RPS3: variants seen among roughly 807,000 people sequenced by gnomAD.
RPS3 encodes the protein ribosomal protein S3.
RPS3 carries 2 observed loss-of-function variants against 25.8 expected under a neutral mutation model. That is an observed-to-expected ratio of 0.08 (90% confidence interval 0.03 to 0.24). The LOEUF is 0.24. RPS3 is among the 10% of genes least tolerant of loss of function. The pLI, the probability that RPS3 is intolerant of heterozygous loss-of-function variation, is 1.00. For missense variants in RPS3, 107 were observed against 307.1 expected, an observed-to-expected ratio of 0.35 and a Z score of 4.87; for synonymous variants, 114 against 114.2, an observed-to-expected ratio of 1.00 and a Z score of 0.01.
rs1948280123 is a variant in RPS3, at chr11:75,405,831, A to G, written c.*221A>G. 1.1e-5 allele frequency: 3 copies of G among 274,974 alleles called. No homozygotes were observed. Among genetic ancestry groups the G allele is most frequent in the Middle Eastern group, 8.3e-4 (2 of 2,408 alleles). The allele number at this position is 274,974 out of a possible 1,614,324, so 17.0% of individuals were successfully genotyped here. On this transcript the variant is annotated 3_prime_UTR_variant, in exon 7 of 7. Coordinates refer to ENST00000531188, the MANE Select transcript of RPS3 (RefSeq NM_001005.5). ...GACCCAAGCAGAGCCAACCAGAGAA[A>G]TAATATTTGTGTGATAGAGAAGGCT...
chr11:75,411,536 C>A (rs1948356092), downstream of RPS3, among the ~76,000 whole-genome samples: 1 of 151,908 alleles, frequency 6.6e-6, no homozygotes, highest in African/African-American at 2.4e-5. Flanking sequence ...ACTACAGGTG[C>A]CCGCTACCAT....
intron 4 of RPS3, 54 bp downstream of exon 4, chr11:75,402,500 G>A (rs754408755): frequency 2.2e-5 from 34 of 1,537,872 alleles, no homozygotes; most frequent in Non-Finnish European, 3.0e-5. Flanking sequence ...CAACATACAT[G>A]TCTGCCATTT....
chr11:75,412,954 A>G (rs1338618699), intron 6 of RPS3, among the ~76,000 whole-genome samples: 2 of 151,910 alleles, frequency 1.3e-5, no homozygotes, highest in Admixed American at 6.6e-5. Flanking sequence ...GTAATTTTTC[A>G]TAGAGATGGG....
intron 6 of RPS3, among the ~76,000 whole-genome samples, chr11:75,419,250 G>C (rs1253861244): frequency 6.6e-6 from 1 of 151,940 alleles, no homozygotes; most frequent in South Asian, 2.1e-4. Flanking sequence ...TTTCTTTTTT[G>C]TCTTTAGAAA....
At chr11:75,405,541 G>A (rs1301324511) in intron 6 of RPS3, 73 bp from the exon 7 acceptor site, 4 of 451,836 alleles carry the variant, frequency 8.9e-6, no homozygotes, top group African/African-American at 6.0e-5. Context: ...GTGGGAGTGT[G>A]TATCCATTTG....
chr11:75,400,928 G>C, intron 2 of RPS3, 104 bp downstream of exon 2: 1 of 1,399,836 alleles, frequency 7.1e-7, no homozygotes, highest in Middle Eastern at 2.9e-4. Flanking sequence ...TGTCCCCAAA[G>C]CTGGAGTGCA....
At chr11:75,410,768 G>A (rs1406905181), downstream of RPS3, among the ~76,000 whole-genome samples, 240 of 152,306 alleles carry the variant, frequency 1.6e-3, 1 homozygote, top group Middle Eastern at 3.4e-3. Flanking sequence ...CGGATCACTC[G>A]CGGTTAGGAG....
At chr11:75,421,965 T>G (rs917317006) in exon 7 of RPS3, 1 of 152,274 alleles carries the variant, frequency 6.6e-6, no homozygotes, top group Non-Finnish European at 1.5e-5. Context: ...TGAAATATTT[T>G]ATAGTTTTTA....
At chr11:75,412,010 C>T (rs1948361196) in intron 6 of RPS3, among the ~76,000 whole-genome samples, 1 of 152,204 alleles carries the variant, frequency 6.6e-6, no homozygotes, top group Non-Finnish European at 1.5e-5. Flanking sequence ...CAGTAGTGGT[C>T]ATGGCCCCAC....
chr11:75,403,833 T>TA, intron 4 of RPS3, 187 bp from the exon 5 acceptor site: 1 of 567,540 alleles, frequency 1.8e-6, no homozygotes, highest in South Asian at 2.4e-5. Flanking sequence ...GAGCTTGACA[T>TA]ACTTGATGAA....
At chr11:75,410,688 T>C (rs1948347496), downstream of RPS3, among the ~76,000 whole-genome samples, 1 of 152,222 alleles carries the variant, frequency 6.6e-6, no homozygotes, top group African/African-American at 2.4e-5. Context: ...CACTCCAGCC[T>C]GGGCACCATT....
At chr11:75,400,863 T>C (rs888191005) in intron 2 of RPS3, 39 bp downstream of exon 2, 7 of 1,592,828 alleles carry the variant, frequency 4.4e-6, no homozygotes, top group Non-Finnish European at 6.0e-6. Context: ...ATAATTGTTA[T>C]AAATGCTAAG....
chr11:75,407,756 C>G (rs768753792), downstream of RPS3, among the ~76,000 whole-genome samples: 45 of 152,174 alleles, frequency 3.0e-4, no homozygotes, highest in African/African-American at 1.0e-3. Flanking sequence ...CGTGAGCCAC[C>G]GTGCCTGGCC....
At chr11:75,409,688 A>G (rs1292113646), downstream of RPS3, among the ~76,000 whole-genome samples, 35 of 148,572 alleles carry the variant, frequency 2.4e-4, no homozygotes, top group Non-Finnish European at 3.9e-4. Context: ...CCCATCCCCA[A>G]TGAGCCGCTG....
intron 6 of RPS3, among the ~76,000 whole-genome samples, chr11:75,414,576 A>G (rs1592031698): frequency 6.6e-6 from 1 of 151,592 alleles, no homozygotes; most frequent in South Asian, 2.1e-4. Flanking sequence ...GCGCCACTGC[A>G]CTCCAGCCTG....
downstream of RPS3, among the ~76,000 whole-genome samples, chr11:75,411,424 C>G (rs1020153425): frequency 6.6e-6 from 1 of 152,168 alleles, no homozygotes; most frequent in Non-Finnish European, 1.5e-5. Flanking sequence ...GAGTCTCGCT[C>G]TGTCGCCCAG....
chr11:75,404,539 T>A lies in RPS3; in HGVS notation c.539-133T>A, dbSNP rs766476502. 1 of 889,754 alleles carries A rather than the reference T, an allele frequency of 1.1e-6. No individual in the cohort carries two copies. The highest frequency in any genetic ancestry group is 1.9e-6 in the Non-Finnish European group (1 of 518,900). 55.1% of individuals were successfully genotyped at this position (889,754 alleles called of 1,614,324 possible). A position where few individuals can be genotyped will look rare whatever the true frequency, so the allele number is the denominator to read the frequency against. On this transcript the variant is annotated intron_variant, in intron 5 of 6. Transcript: ENST00000531188. This position sits in a 1 kb window ranked among gnomAD's most constrained non-coding sequence, Gnocchi z 4.6. ...TTGGCAGAAGTGTCCTATTTATTGA[T>A]CGATTTAGAGGCATTTGTCTGAGAA...
At position 75,406,744 on chromosome 11, in the gene RPS3, A is replaced by G. The variant is rs1040781703; in HGVS notation, c.*1134A>G. On this transcript the variant is annotated 3_prime_UTR_variant, in exon 7 of 7. Coordinates refer to ENST00000531188, the MANE Select transcript of RPS3 (RefSeq NM_001005.5). ...GTGGATTCAACCAACTTTGGGTCAA[A>G]AATAATCAAAAAGGATGGTTGTGTG... 4.6e-5 allele frequency: 7 copies of G among 152,236 alleles called. No homozygotes were observed. Among genetic ancestry groups the G allele is most frequent in the Middle Eastern group, 3.2e-3 (1 of 316 alleles). The allele number at this position is 152,236 out of a possible 1,614,324, so 9.4% of individuals were successfully genotyped here.
At chr11:75,414,889 T>G (rs901684532) in intron 6 of RPS3, among the ~76,000 whole-genome samples, 3 of 152,144 alleles carry the variant, frequency 2.0e-5, no homozygotes, top group East Asian at 1.9e-4. Context: ...AAGGGTTTTT[T>G]GGGGGATCCA....
Sources: gnomAD v4.1 joint callset for allele counts (sites outside exome capture counted in the v4.1 genomes callset) on GRCh38, gnomAD v4.1.1 for gene constraint, Gnocchi (gnomAD v3.1) non-coding constraint, MANE v1.5 for transcripts, NCBI Gene and HGNC (gene_info 2026-07-23, HGNC 2026-07-21) for gene names.